SYT11: variants seen among roughly 807,000 people sequenced by gnomAD.
SYT11 encodes synaptotagmin 11, also known as synaptotagmin-11.
A neutral mutation model predicts 30.4 loss-of-function variants in SYT11; 12 were observed. The observed-to-expected ratio is 0.39, with a 90% CI of 0.25 to 0.64. The LOEUF is 0.64. SYT11 is among the 30% of genes least tolerant of loss of function. The probability of loss-of-function intolerance (pLI) is 0.45; values close to 1 mark genes in which losing one functional copy is unlikely to be tolerated. For missense variants in SYT11, 412 were observed against 552.0 expected (o/e 0.75, Z 2.54); for synonymous variants, 204 against 216.0 (o/e 0.94, Z 0.49).
chr1:155,872,748 G>A (rs1672799921), intron 2 of SYT11, among the ~76,000 whole-genome samples: 1 of 152,174 alleles, frequency 6.6e-6, no homozygotes, highest in South Asian at 2.1e-4. Flanking sequence ...GAAAGAGAAA[G>A]GGAGGGAGCT....
chr1:155,871,320 C>T (rs1482193898), intron 2 of SYT11, among the ~76,000 whole-genome samples: 1 of 152,212 alleles, frequency 6.6e-6, no homozygotes, highest in Non-Finnish European at 1.5e-5. Context: ...TCCGTATTCC[C>T]TTCACAGCAG....
chr1:155,868,443 A>G lies in SYT11; in HGVS notation c.513A>G (p.Lys171=). The change falls in exon 2 of 4, where the codon AAA becomes AAG. Residue 171 remains lysine (K), a synonymous_variant. Coordinates refer to ENST00000368324, the MANE Select transcript of SYT11 (RefSeq NM_152280.5). The surrounding 1 kb of genome is among the most constrained non-coding windows in gnomAD (Gnocchi z 4.7). Reference sequence around the variant, plus strand: ...TCTCAGTGGACTATAACTTCCCGAAAAAAGCCCTGGTGGTGACAATCCAGG... The same window carrying G: ...TCTCAGTGGACTATAACTTCCCGAAGAAAGCCCTGGTGGTGACAATCCAGG... ...LTFSVDYNFP[K]KALVVTIQEA... 1 of 1,614,114 alleles carries G rather than the reference A, an allele frequency of 6.2e-7. No homozygotes were observed. The highest frequency in any genetic ancestry group is 8.5e-7 in the Non-Finnish European group (1 of 1,180,008).
intron 2 of SYT11, among the ~76,000 whole-genome samples, chr1:155,875,632 A>G (rs939029523): frequency 6.6e-5 from 10 of 152,098 alleles, no homozygotes; most frequent in South Asian, 2.1e-4. Context: ...TGAACTCCTG[A>G]CCTCAAGTGA....
At chr1:155,879,974 A>C (rs375716956) in intron 2 of SYT11, among the ~76,000 whole-genome samples, 1 of 152,146 alleles carries the variant, frequency 6.6e-6, no homozygotes. Context: ...CGGGAGGATC[A>C]CTTGAGACCA....
At chr1:155,862,022 G>T (rs1412142544) in intron 1 of SYT11, among the ~76,000 whole-genome samples, 1 of 152,170 alleles carries the variant, frequency 6.6e-6, no homozygotes, top group Non-Finnish European at 1.5e-5. Flanking sequence ...TAGGAAAGGG[G>T]GTGTCAATAA....
intron 2 of SYT11, among the ~76,000 whole-genome samples, chr1:155,872,353 G>A (rs16837075): frequency 0.025 from 3,739 of 152,286 alleles, 152 homozygotes; most frequent in African/African-American, 0.082. Context: ...GCCTCAAGAA[G>A]GGTTTATTGA....
At position 155,860,682 on chromosome 1, in the gene SYT11, A is replaced by C. The variant is rs1275419733; in HGVS notation, c.34+887A>C. On this transcript the variant is annotated intron_variant, in intron 1 of 3. Coordinates refer to ENST00000368324, the MANE Select transcript of SYT11 (RefSeq NM_152280.5). The surrounding 1 kb of genome is among the most constrained non-coding windows in gnomAD (Gnocchi z 4.1). Reference sequence around the variant, plus strand: ...ACCGCAGAAAGCATTACGTCATTTCAGAGCGGCTGGTCCCCGACCCAGCCC... The same window carrying C: ...ACCGCAGAAAGCATTACGTCATTTCCGAGCGGCTGGTCCCCGACCCAGCCC... Among the ~76,000 whole-genome samples, 2 of 152,228 alleles carry C rather than the reference A, an allele frequency of 1.3e-5. No homozygotes were observed. Among genetic ancestry groups the C allele is most frequent in the Non-Finnish European group, 2.9e-5 (2 of 68,036 alleles).
intron 2 of SYT11, among the ~76,000 whole-genome samples, chr1:155,876,235 C>CTTTTTTTTTTTTTT (rs67952920): frequency 4.2e-5 from 4 of 96,118 alleles, no homozygotes; most frequent in Non-Finnish European, 5.6e-5. Context: ...ACTCACCTCC[C>CTTTTTTTTTTTTTT]TTTTTTTTTT....
chr1:155,868,036 G>T lies in SYT11; in HGVS notation c.106G>T (p.Val36Phe). 1 of 1,613,542 alleles carries T rather than the reference G, an allele frequency of 6.2e-7. No individual in the cohort carries two copies. Among genetic ancestry groups the T allele is most frequent in the Non-Finnish European group, 8.5e-7 (1 of 1,179,842 alleles). The change falls in exon 2 of 4, where the codon GTC becomes TTC. Residue 36 changes from valine (V) to phenylalanine (F), a missense_variant. Transcript: ENST00000368324. This position sits in a 1 kb window ranked among gnomAD's most constrained non-coding sequence, Gnocchi z 4.7. ...LVVCVSVTVF[V>F]WSCCHQQAEK... is the part of the protein sequence containing the mutation. ...GGTGTGTGTCTCGGTGACCGTCTTT[G>T]TCTGGTCATGCTGCCACCAGCAGGC...
chr1:155,863,881 A>G (rs1404275604), intron 1 of SYT11, among the ~76,000 whole-genome samples: 3 of 151,656 alleles, frequency 2.0e-5, no homozygotes, highest in Non-Finnish European at 4.4e-5. Context: ...AGATCGCGCC[A>G]TTGCACTCAA....
At chr1:155,870,046 G>A (rs889782036) in intron 2 of SYT11, among the ~76,000 whole-genome samples, 1 of 152,202 alleles carries the variant, frequency 6.6e-6, no homozygotes, top group Non-Finnish European at 1.5e-5. Flanking sequence ...CCTGGCATAT[G>A]ATTGCCCTTG....
At position 155,885,010 on chromosome 1, in the gene SYT11, A is replaced by G; in HGVS notation, c.*3502A>G. 1 of 152,882 alleles carries G rather than the reference A, an allele frequency of 6.5e-6. No individual in the cohort carries two copies. Among genetic ancestry groups the G allele is most frequent in the East Asian group, 1.9e-4 (1 of 5,320 alleles). 9.5% of individuals were successfully genotyped at this position (152,882 alleles called of 1,614,324 possible). ...TTACCTTGTGTCTTCTCTTGTAAAAATGAAACTCAAAAATAAAATAAATGT... is the reference window on the plus strand; with the variant it reads ...TTACCTTGTGTCTTCTCTTGTAAAAGTGAAACTCAAAAATAAAATAAATGT... On this transcript the variant is annotated 3_prime_UTR_variant, in exon 4 of 4. Transcript: ENST00000368324.
intron 1 of SYT11, among the ~76,000 whole-genome samples, chr1:155,866,663 C>T (rs918290883): frequency 2.6e-5 from 4 of 151,328 alleles, no homozygotes; most frequent in African/African-American, 7.3e-5. Context: ...GCGAGAATGA[C>T]GGCATGTTGA....
intron 1 of SYT11, among the ~76,000 whole-genome samples, chr1:155,862,876 G>A (rs1672615682): frequency 6.6e-6 from 1 of 152,198 alleles, no homozygotes; most frequent in South Asian, 2.1e-4. Context: ...TCCTTAGGCT[G>A]TGCCCATTCT....
chr1:155,876,643 A>G (rs1672866265), intron 2 of SYT11, among the ~76,000 whole-genome samples: 1 of 151,792 alleles, frequency 6.6e-6, no homozygotes, highest in Non-Finnish European at 1.5e-5. Flanking sequence ...CCTCTTCCCT[A>G]CGCTTCACAG....
At chr1:155,867,158 A>G (rs1236849732) in intron 1 of SYT11, among the ~76,000 whole-genome samples, 7 of 151,976 alleles carry the variant, frequency 4.6e-5, no homozygotes, top group Non-Finnish European at 4.4e-5. Flanking sequence ...CCCAGGTTCA[A>G]GCGATTCTCC....
At chr1:155,880,092 T>A (rs1252985844) in intron 2 of SYT11, among the ~76,000 whole-genome samples, 1 of 152,096 alleles carries the variant, frequency 6.6e-6, no homozygotes, top group Non-Finnish European at 1.5e-5. Context: ...CTCAGGAGGC[T>A]GAGGTGGGAG....
chr1:155,861,244 G>A (rs941392052), intron 1 of SYT11, among the ~76,000 whole-genome samples: 3 of 151,984 alleles, frequency 2.0e-5, no homozygotes, highest in Admixed American at 6.6e-5. Flanking sequence ...TTCACCTTCC[G>A]CATCTTTATT....
Position 155,880,393 on chromosome 1 carries a change from A to C in SYT11, c.862-107A>C, listed in dbSNP as rs56958973. 6.6e-3 allele frequency: 8,983 copies of C among 1,358,654 alleles called. 474 individuals are homozygous for C. The African/African-American group carries it at 0.12, about 18-fold the overall frequency. The allele number at this position is 1,358,654 out of a possible 1,614,324, so 84.2% of individuals were successfully genotyped here. On this transcript the variant is annotated intron_variant, in intron 2 of 3. Transcript: ENST00000368324. ...TGAGCATCTTTCCAAAAAACTTATC[A>C]TCCCTGCACTTGTCCTCCCCCAGAC... is the stretch of plus-strand genomic sequence containing the variant.
Sources: allele counts gnomAD v4.1 joint callset (sites outside exome capture counted in the v4.1 genomes callset), GRCh38; gene constraint gnomAD v4.1.1; non-coding constraint Gnocchi (gnomAD v3.1); transcripts MANE v1.5; gene names NCBI Gene and HGNC (gene_info 2026-07-23, HGNC 2026-07-21).